Variants in INPP4A observed in about 807,000 individuals in gnomAD.
INPP4A encodes the protein inositol polyphosphate-4-phosphatase, type I, 107kD.
INPP4A carries 33 observed loss-of-function variants against 119.8 expected under a neutral mutation model. The observed-to-expected ratio is 0.28, with a 90% CI of 0.21 to 0.37. The LOEUF (loss-of-function observed/expected upper bound fraction) is 0.37, where lower values mean the gene tolerates loss of function less well. Ranked by LOEUF, INPP4A falls within the 10% of genes least tolerant of loss-of-function variation. The probability of loss-of-function intolerance (pLI) is 1.00; values close to 1 mark genes in which losing one functional copy is unlikely to be tolerated. For synonymous variants in INPP4A, 496 were observed against 500.7 expected (o/e 0.99, Z 0.12); for missense variants, 956 against 1,289.9 (o/e 0.74, Z 3.97).
chr2:98,476,965 G>T (rs1677364020), intron 1 of INPP4A, among the ~76,000 whole-genome samples: 1 of 152,208 alleles, frequency 6.6e-6, no homozygotes, highest in Non-Finnish European at 1.5e-5. Flanking sequence ...CCCTGTTTCT[G>T]GATGGCTAGA....
chr2:98,559,882 CTT>C (rs1403055783), intron 17 of INPP4A, among the ~76,000 whole-genome samples: 1 of 152,222 alleles, frequency 6.6e-6, no homozygotes, highest in Non-Finnish European at 1.5e-5. Context: ...AATGTAATCT[CTT>C]TGCTTCCTTT....
rs867332311 is a variant in INPP4A, at chr2:98,572,915, G to A, written c.2619G>A (p.Trp873Ter). The A allele has an allele frequency of 6.4e-7, 1 of 1,570,620 alleles. No homozygotes were observed. Among genetic ancestry groups the A allele is most frequent in the Non-Finnish European group, 8.6e-7 (1 of 1,157,784 alleles). Residue 873 changes from tryptophan to a stop codon, truncating the protein, a stop_gained, in exon 23 of 25, where the codon TGG (tryptophan) becomes TGA (stop). Coordinates refer to ENST00000409851, the MANE Select transcript of INPP4A (RefSeq NM_001134225.2). LOFTEE classifies it high-confidence loss of function. ...AGAATAAGAACGTCGACATTCTCTG[G>A]CAAGCTGCTGAGGTACTGGTTACAG... Reference protein sequence around the residue: ...ARKNKNVDILWQAAEICRRLN... With the variant: ...ARKNKNVDIL
At chr2:98,532,950 T>A (rs1252052428) in intron 4 of INPP4A, among the ~76,000 whole-genome samples, 1 of 152,220 alleles carries the variant, frequency 6.6e-6, no homozygotes, top group Non-Finnish European at 1.5e-5. Flanking sequence ...GAGCACCATA[T>A]GCTCAGAGTC....
At position 98,539,623 on chromosome 2, in the gene INPP4A, C is replaced by T. The variant is rs1691009247; in HGVS notation, c.766C>T (p.Leu256=). The T allele has an allele frequency of 1.2e-5, 19 of 1,611,478 alleles. No homozygotes were observed. The highest frequency in any genetic ancestry group is 1.6e-5 in the Non-Finnish European group (19 of 1,178,792). Residue 256 remains leucine (L), a synonymous_variant, in exon 10 of 25, where the codon CTG becomes TTG. Transcript: ENST00000409851. ...GCAGATGGCAGAGAGCGTGCTCTCC[C>T]TGCACGTGCCCCGGCAGTTCGTGAA... ...LEQMAESVLS[L]HVPRQFVKLL...
At chr2:98,451,511 C>G (rs528548944) in intron 1 of INPP4A, among the ~76,000 whole-genome samples, 1 of 152,258 alleles carries the variant, frequency 6.6e-6, no homozygotes, top group African/African-American at 2.4e-5. Flanking sequence ...AGCGCTTTCC[C>G]TGAGACACCT....
chr2:98,489,721 T>C (rs1041430748), intron 1 of INPP4A, among the ~76,000 whole-genome samples: 3 of 152,248 alleles, frequency 2.0e-5, no homozygotes, highest in African/African-American at 7.2e-5. Context: ...CTGGAGAGGG[T>C]GCACAGAAAT....
At chr2:98,527,375 A>ACAAT (rs1294829935) in intron 4 of INPP4A, among the ~76,000 whole-genome samples, 9 of 152,254 alleles carry the variant, frequency 5.9e-5, no homozygotes, top group African/African-American at 2.2e-4. Flanking sequence ...TTTGTCAAAA[A>ACAAT]CAATCACTGT....
At chr2:98,493,816 T>C (rs1432900201) in intron 1 of INPP4A, among the ~76,000 whole-genome samples, 2 of 152,200 alleles carry the variant, frequency 1.3e-5, no homozygotes, top group African/African-American at 4.8e-5. Context: ...GAAGGAACTT[T>C]GAGTATAACA....
At chr2:98,544,043 GCGCACACACA>G in intron 11 of INPP4A, 36 bp downstream of exon 11, 1 of 1,520,038 alleles carries the variant, frequency 6.6e-7, no homozygotes, top group Non-Finnish European at 8.9e-7. Context: ...ACACACGCGT[GCGCACACACA>G]CACACACACA....
intron 4 of INPP4A, chr2:98,521,358 A>G (rs1261944114): frequency 6.6e-6 from 1 of 152,184 alleles, no homozygotes; most frequent in Non-Finnish European, 1.5e-5. Flanking sequence ...CCCTTTTCCC[A>G]TTCCTTGGTC....
chr2:98,582,535 C>T (rs776150881), intron 24 of INPP4A, among the ~76,000 whole-genome samples: 5 of 143,816 alleles, frequency 3.5e-5, no homozygotes, highest in Non-Finnish European at 6.0e-5. Context: ...CTACTGCATA[C>T]GCCAGACACA....
At position 98,550,501 on chromosome 2, in the gene INPP4A, C is replaced by T. The variant is rs370192494; in HGVS notation, c.1164-2285C>T. On this transcript the variant is annotated intron_variant, in intron 13 of 24. Coordinates refer to ENST00000409851, the MANE Select transcript of INPP4A (RefSeq NM_001134225.2). ...CGCTCTCATGGCATCTTCAGTTTAGCCCATGACCCCAGCTCTGGGTAGGTC... is the reference window on the plus strand; with the variant it reads ...CGCTCTCATGGCATCTTCAGTTTAGTCCATGACCCCAGCTCTGGGTAGGTC... Among the ~76,000 whole-genome samples the T allele has an allele frequency of 1.6e-4, 25 of 152,322 alleles. 2 individuals are homozygous for T. Among genetic ancestry groups the T allele is most frequent in the Admixed American group, 5.2e-4 (8 of 15,304 alleles).
chr2:98,512,889 T>G (rs1322526843), intron 1 of INPP4A, among the ~76,000 whole-genome samples: 3 of 152,212 alleles, frequency 2.0e-5, no homozygotes, highest in Non-Finnish European at 4.4e-5. Flanking sequence ...CTTGTCCGTG[T>G]TCCTGCAGCA....
intron 10 of INPP4A, among the ~76,000 whole-genome samples, chr2:98,541,321 C>T (rs1429223353): frequency 4.7e-5 from 7 of 147,990 alleles, no homozygotes; most frequent in African/African-American, 9.9e-5. Context: ...AGCGAGACTC[C>T]GTCTCAAAAA....
intron 4 of INPP4A, among the ~76,000 whole-genome samples, chr2:98,532,423 C>T (rs1374215767): frequency 6.6e-6 from 1 of 152,086 alleles, no homozygotes; most frequent in African/African-American, 2.4e-5. Context: ...ATAAAATGTA[C>T]ATAAAATTTA....
intron 1 of INPP4A, among the ~76,000 whole-genome samples, chr2:98,494,171 T>G (rs1185992178): frequency 1.3e-5 from 2 of 152,124 alleles, no homozygotes; most frequent in Admixed American, 6.5e-5. Flanking sequence ...CCCTTTCCCC[T>G]AAGTTCCCAT....
intron 1 of INPP4A, among the ~76,000 whole-genome samples, chr2:98,517,128 C>T (rs1686291097): frequency 6.6e-6 from 1 of 152,176 alleles, no homozygotes; most frequent in South Asian, 2.1e-4. Context: ...ATACCACTCT[C>T]CATACTCTGG....
At chr2:98,553,096 A>G (rs1043191167) in intron 14 of INPP4A, 127 bp downstream of exon 14, 7 of 750,950 alleles carry the variant, frequency 9.3e-6, no homozygotes, top group Admixed American at 2.9e-5. Flanking sequence ...TTGAAGGTCT[A>G]CCTTAGGTCC....
intron 24 of INPP4A, among the ~76,000 whole-genome samples, chr2:98,585,074 T>G (rs983366275): frequency 1.3e-5 from 2 of 151,992 alleles, no homozygotes; most frequent in Non-Finnish European, 2.9e-5. Context: ...CAATCAGGAG[T>G]GGTTCTCTTT....
Sources: allele counts gnomAD v4.1 joint callset (sites outside exome capture counted in the v4.1 genomes callset), GRCh38; gene constraint gnomAD v4.1.1; transcripts MANE v1.5; gene names NCBI Gene and HGNC (gene_info 2026-07-23, HGNC 2026-07-21).